FOXO3: variants seen among roughly 807,000 people sequenced by gnomAD.
FOXO3 encodes forkhead box O3, also known as forkhead box protein O3.
FOXO3 carries 4 observed loss-of-function variants against 41.9 expected under a neutral mutation model. That is an observed-to-expected ratio of 0.10 (90% confidence interval 0.05 to 0.22). FOXO3 has a LOEUF of 0.22. Among genes scored for constraint, FOXO3 ranks in the 10% least tolerant of loss-of-function variants. The pLI is 1.00. For synonymous variants in FOXO3, 318 were observed against 389.3 expected (o/e 0.82, Z 2.16); for missense variants, 534 against 906.8 (o/e 0.59, Z 5.28).
At chr6:108,631,053 TATTAA>T (rs1261996079) in intron 1 of FOXO3, among the ~76,000 whole-genome samples, 1 of 152,242 alleles carries the variant, frequency 6.6e-6, no homozygotes, top group African/African-American at 2.4e-5. Flanking sequence ...TTCTAAAATG[TATTAA>T]ATTATACTGC....
At chr6:108,627,027 G>A (rs115141111) in intron 1 of FOXO3, among the ~76,000 whole-genome samples, 51 of 152,320 alleles carry the variant, frequency 3.3e-4, no homozygotes, top group African/African-American at 1.2e-3. Context: ...TCTAGTAGGA[G>A]GCAGGCTTCC....
intron 1 of FOXO3, among the ~76,000 whole-genome samples, chr6:108,577,065 T>C (rs1311781165): frequency 6.6e-6 from 1 of 152,170 alleles, no homozygotes; most frequent in Non-Finnish European, 1.5e-5. Flanking sequence ...TCCCTCTTCT[T>C]TCCCCGTTTA....
At chr6:108,601,448 C>T (rs1323446939) in intron 1 of FOXO3, among the ~76,000 whole-genome samples, 1 of 152,024 alleles carries the variant, frequency 6.6e-6, no homozygotes, top group African/African-American at 2.4e-5. Flanking sequence ...GGATTACAGG[C>T]GCCCACCACC....
At chr6:108,664,942 T>A in intron 2 of FOXO3, 53 bp downstream of exon 2, 12 of 1,335,048 alleles carry the variant, frequency 9.0e-6, no homozygotes, top group Non-Finnish European at 1.0e-5. Context: ...TGAGGGGGGA[T>A]CTCTGGGGGA....
chr6:108,627,336 A>G (rs1777838769), intron 1 of FOXO3, among the ~76,000 whole-genome samples: 1 of 152,146 alleles, frequency 6.6e-6, no homozygotes, highest in Non-Finnish European at 1.5e-5. Flanking sequence ...CACGAGACTC[A>G]TTTATTGATG....
intron 1 of FOXO3, among the ~76,000 whole-genome samples, chr6:108,580,954 A>C (rs1403290506): frequency 6.6e-6 from 1 of 152,208 alleles, no homozygotes; most frequent in Admixed American, 6.5e-5. Flanking sequence ...ATATTCCAGC[A>C]AGGGTGACCC....
intron 1 of FOXO3, among the ~76,000 whole-genome samples, chr6:108,585,096 C>T (rs1455589742): frequency 8.1e-6 from 1 of 124,166 alleles, no homozygotes; most frequent in Non-Finnish European, 1.6e-5. Flanking sequence ...CTGCGGACTG[C>T]AATGGCGCAA....
chr6:108,674,613 G>A (rs553145960), intron 2 of FOXO3, among the ~76,000 whole-genome samples: 2 of 152,304 alleles, frequency 1.3e-5, no homozygotes, highest in African/African-American at 2.4e-5. Context: ...CGTAGGGAAG[G>A]TGGGGCTGCA....
intron 1 of FOXO3, among the ~76,000 whole-genome samples, chr6:108,584,583 G>A (rs943829669): frequency 6.6e-6 from 1 of 152,138 alleles, no homozygotes; most frequent in African/African-American, 2.4e-5. Flanking sequence ...TGGTTCATCC[G>A]TAACATGCAG....
chr6:108,559,826 C>T (rs1206829147), upstream of FOXO3: 1 of 152,392 alleles, frequency 6.6e-6, no homozygotes, highest in Non-Finnish European at 1.5e-5. Flanking sequence ...GGCCGCCCTG[C>T]TCGTGGAAGG....
At chr6:108,611,753 A>G (rs1777371798) in intron 1 of FOXO3, among the ~76,000 whole-genome samples, 1 of 146,094 alleles carries the variant, frequency 6.8e-6, no homozygotes, top group Non-Finnish European at 1.5e-5. Context: ...TTTCTTATGT[A>G]TTCTGAATAC....
intron 1 of FOXO3, chr6:108,618,190 C>G (rs887144467): frequency 1.3e-5 from 13 of 1,000,260 alleles, no homozygotes; most frequent in Non-Finnish European, 1.9e-5. Flanking sequence ...GCCTCTTAAT[C>G]TTAAACTGCA....
chr6:108,649,515 CTTTTTTTTTTTTTTTTT>C lies in FOXO3; in HGVS notation c.622-13930_622-13914del, dbSNP rs886836999. Among the ~76,000 whole-genome samples the C allele has an allele frequency of 2.1e-3, 202 of 95,210 alleles. 5 individuals carry two copies. Among genetic ancestry groups the C allele is most frequent in the African/African-American group, 8.0e-3 (186 of 23,164 alleles). The allele number at this position is 95,210 out of a possible 152,430, so 62.5% of individuals were successfully genotyped here. A position where few individuals can be genotyped will look rare whatever the true frequency, so the allele number is the denominator to read the frequency against. On this transcript the variant is annotated intron_variant, in intron 1 of 2. Coordinates refer to ENST00000406360, the MANE Select transcript of FOXO3 (RefSeq NM_001455.4). ...ATCCCTAGTTCACCACCACCCTCAG[CTTTTTTTTTTTTTTTTT>C]TTTTTTTTTGAGATGGGGGTCTCAC... is the stretch of plus-strand genomic sequence containing the variant.
At chr6:108,569,201 G>A (rs1051660111) in intron 1 of FOXO3, among the ~76,000 whole-genome samples, 2 of 152,316 alleles carry the variant, frequency 1.3e-5, no homozygotes, top group East Asian at 3.9e-4. Context: ...GACAGTCTTT[G>A]AGATGAACTA....
At chr6:108,638,127 C>T (rs1366123732) in intron 1 of FOXO3, among the ~76,000 whole-genome samples, 2 of 152,180 alleles carry the variant, frequency 1.3e-5, no homozygotes, top group African/African-American at 2.4e-5. Flanking sequence ...CGTGTTTCCC[C>T]TGCATACATC....
intron 2 of FOXO3, among the ~76,000 whole-genome samples, chr6:108,666,834 G>C (rs963542708): frequency 3.9e-5 from 6 of 152,132 alleles, no homozygotes; most frequent in Admixed American, 3.9e-4. Flanking sequence ...CTACCAACAG[G>C]TTTGCACCCC....
At chr6:108,666,557 A>C (rs1779068260) in intron 2 of FOXO3, among the ~76,000 whole-genome samples, 1 of 150,864 alleles carries the variant, frequency 6.6e-6, no homozygotes, top group Admixed American at 6.6e-5. Flanking sequence ...GTTCACCAGG[A>C]TGGTCTCGAT....
chr6:108,600,625 A>G (rs1777026057), intron 1 of FOXO3, among the ~76,000 whole-genome samples: 1 of 151,996 alleles, frequency 6.6e-6, no homozygotes, highest in African/African-American at 2.4e-5. Context: ...CAAAATGAAA[A>G]CAACCTATAA....
intron 1 of FOXO3, among the ~76,000 whole-genome samples, chr6:108,612,279 T>C (rs1777385138): frequency 6.6e-6 from 1 of 152,178 alleles, no homozygotes; most frequent in Admixed American, 6.5e-5. Context: ...ATTAATTGGG[T>C]TTTGTGTATT....
Sources: gnomAD v4.1 joint callset for allele counts (sites outside exome capture counted in the v4.1 genomes callset) on GRCh38, gnomAD v4.1.1 for gene constraint, MANE v1.5 for transcripts, NCBI Gene and HGNC (gene_info 2026-07-23, HGNC 2026-07-21) for gene names.